KANK1: variants seen among roughly 807,000 people sequenced by gnomAD.
KANK1 encodes the protein KN motif and ankyrin repeat domain-containing protein 1.
KANK1 carries 109 observed loss-of-function variants against 106.2 expected under a neutral mutation model. The observed-to-expected ratio is 1.03, with a 90% CI of 0.88 to 1.20. The LOEUF is 1.20. Among genes scored for constraint, KANK1 ranks in the 50% most tolerant of loss-of-function variants. The pLI is 0.00. For synonymous variants in KANK1, 873 were observed against 652.2 expected (o/e 1.34, Z -5.16); for missense variants, 2,399 against 1,710.7 (o/e 1.40, Z -7.10).
chr9:510,909 C>G (rs996964881), intron 1 of KANK1, among the ~76,000 whole-genome samples: 2 of 152,110 alleles, frequency 1.3e-5, no homozygotes, highest in Non-Finnish European at 2.9e-5. Flanking sequence ...GGCTGCTAGA[C>G]CAGCCTTCAT....
intron 1 of KANK1, among the ~76,000 whole-genome samples, chr9:579,664 G>A (rs990479379): frequency 6.6e-5 from 10 of 152,090 alleles, no homozygotes; most frequent in Non-Finnish European, 1.5e-4. Flanking sequence ...GTGGGTGCAG[G>A]GAGGCAGTAT....
chr9:556,380 T>C lies in KANK1; in HGVS notation c.-84+51626T>C, dbSNP rs538125863. Among the ~76,000 whole-genome samples the C allele has an allele frequency of 5.3e-5, 8 of 152,334 alleles. No individual in the cohort carries two copies. The South Asian group carries it at 1.7e-3, about 32-fold the overall frequency. ...GACTTAGGGAACCTTGGTTTCTGAG[T>C]TGTGCTCTCCTCTGACTACGTGGTG... On this transcript the variant is annotated intron_variant, in intron 1 of 11. Coordinates refer to ENST00000382297, the MANE Select transcript of KANK1 (RefSeq NM_015158.5).
At chr9:500,211 A>C (rs2058526934), upstream of KANK1, among the ~76,000 whole-genome samples, 1 of 152,242 alleles carries the variant, frequency 6.6e-6, no homozygotes, top group African/African-American at 2.4e-5. Context: ...GAGAAAAAAT[A>C]GTTACAACTG....
At chr9:580,204 C>G (rs1366517006) in intron 1 of KANK1, among the ~76,000 whole-genome samples, 1 of 151,840 alleles carries the variant, frequency 6.6e-6, no homozygotes, top group Non-Finnish European at 1.5e-5. Flanking sequence ...TGGAGTTGTT[C>G]GTTCCTCCGG....
intron 3 of KANK1, among the ~76,000 whole-genome samples, chr9:727,490 T>C (rs1272196868): frequency 6.6e-6 from 1 of 151,836 alleles, no homozygotes; most frequent in Non-Finnish European, 1.5e-5. Context: ...CTAATTTTTG[T>C]ATTTTTGTAG....
At chr9:536,095 C>CA (rs1474314624) in intron 1 of KANK1, among the ~76,000 whole-genome samples, 2 of 151,986 alleles carry the variant, frequency 1.3e-5, no homozygotes, top group African/African-American at 4.8e-5. Context: ...CCCAGCACTT[C>CA]AGGAGGCTGA....
At chr9:527,644 C>G (rs1038520888) in intron 1 of KANK1, among the ~76,000 whole-genome samples, 2 of 150,990 alleles carry the variant, frequency 1.3e-5, no homozygotes, top group African/African-American at 2.5e-5. Context: ...AGCTTCTGCA[C>G]AAGGTTACAA....
intron 2 of KANK1, among the ~76,000 whole-genome samples, chr9:705,817 C>G (rs1310633726): frequency 6.6e-6 from 1 of 151,940 alleles, no homozygotes; most frequent in Non-Finnish European, 1.5e-5. Flanking sequence ...CCAGGTTGGT[C>G]TCGAGCTCCT....
At chr9:578,012 C>A (rs745922218) in intron 1 of KANK1, among the ~76,000 whole-genome samples, 1 of 152,104 alleles carries the variant, frequency 6.6e-6, no homozygotes, top group Non-Finnish European at 1.5e-5. Flanking sequence ...AGGAGGCCTC[C>A]TTTCACCTTG....
At chr9:672,194 T>C (rs1815326403) in intron 1 of KANK1, among the ~76,000 whole-genome samples, 2 of 152,208 alleles carry the variant, frequency 1.3e-5, no homozygotes, top group South Asian at 4.1e-4. Context: ...ATACTAGCTG[T>C]GTGATGTGAG....
intron 2 of KANK1, among the ~76,000 whole-genome samples, chr9:702,984 G>A (rs72693418): frequency 2.1e-4 from 32 of 151,990 alleles, no homozygotes; most frequent in African/African-American, 6.8e-4. Flanking sequence ...GAGTGGGGGC[G>A]GGGTTGTTGT....
At chr9:636,436 A>G (rs1837153097) in intron 1 of KANK1, among the ~76,000 whole-genome samples, 1 of 152,136 alleles carries the variant, frequency 6.6e-6, no homozygotes, top group Non-Finnish European at 1.5e-5. Flanking sequence ...TGGATTGTAA[A>G]CATCTCATTT....
At chr9:688,348 G>T (rs909843591) in intron 2 of KANK1, among the ~76,000 whole-genome samples, 1 of 152,208 alleles carries the variant, frequency 6.6e-6, no homozygotes, top group Non-Finnish European at 1.5e-5. Flanking sequence ...GCTCATGCTT[G>T]TAATCCCAAC....
At chr9:582,825 C>G (rs74537393) in intron 1 of KANK1, among the ~76,000 whole-genome samples, 5 of 152,178 alleles carry the variant, frequency 3.3e-5, no homozygotes, top group African/African-American at 7.2e-5. Context: ...TGCTTTGCCC[C>G]TCACAAAAGC....
At chr9:530,424 T>C (rs552020551) in intron 1 of KANK1, among the ~76,000 whole-genome samples, 2 of 152,326 alleles carry the variant, frequency 1.3e-5, no homozygotes, top group African/African-American at 4.8e-5. Context: ...AAGTTTACTT[T>C]TTTTCCCAGA....
At chr9:497,541 T>TC (rs1354033175) in intron 3 of KANK1, among the ~76,000 whole-genome samples, 1 of 142,730 alleles carries the variant, frequency 7.0e-6, no homozygotes, top group African/African-American at 3.0e-5. Flanking sequence ...ACAAAAACTT[T>TC]CAAAAAACCC....
At chr9:660,838 C>G (rs1268056876) in intron 1 of KANK1, among the ~76,000 whole-genome samples, 1 of 152,138 alleles carries the variant, frequency 6.6e-6, no homozygotes, top group Non-Finnish European at 1.5e-5. Context: ...TAGAGAGGCC[C>G]CCTTCCCAAT....
intron 1 of KANK1, among the ~76,000 whole-genome samples, chr9:621,539 A>G (rs1205048371): frequency 6.6e-6 from 1 of 152,210 alleles, no homozygotes; most frequent in Non-Finnish European, 1.5e-5. Flanking sequence ...TTGTATTGGT[A>G]TATTTACCCT....
intron 3 of KANK1, among the ~76,000 whole-genome samples, chr9:490,821 T>G (rs2058366049): frequency 6.6e-6 from 1 of 152,154 alleles, no homozygotes; most frequent in Admixed American, 6.5e-5. Context: ...AAATTCTTGC[T>G]CTTGTGGAGC....
Sources: allele counts gnomAD v4.1 joint callset (sites outside exome capture counted in the v4.1 genomes callset), GRCh38; gene constraint gnomAD v4.1.1; transcripts MANE v1.5; gene names NCBI Gene and HGNC (gene_info 2026-07-23, HGNC 2026-07-21).